SPATA6L: variants seen among roughly 807,000 people sequenced by gnomAD.
SPATA6L encodes spermatogenesis associated 6 like.
Under a neutral mutation model 49.2 loss-of-function variants are expected in SPATA6L, and 68 were observed. The observed-to-expected ratio is 1.38, with a 90% CI of 1.14 to 1.69. SPATA6L has a LOEUF of 1.69. Among genes scored for constraint, SPATA6L ranks in the 40% most tolerant of loss-of-function variants. SPATA6L has a pLI of 0.00. For missense variants in SPATA6L, 668 were observed against 464.3 expected (o/e 1.44, Z -4.03); for synonymous variants, 198 against 165.7 (o/e 1.19, Z -1.50).
At position 4,659,372 on chromosome 9, in the gene SPATA6L, T is replaced by C. The variant is rs143702903; in HGVS notation, c.177+2527A>G. 7.5e-3 allele frequency among the ~76,000 whole-genome samples: 1,138 copies of C among 152,022 alleles called. 17 individuals carry two copies. The highest frequency in any genetic ancestry group is 0.027 in the African/African-American group (1,097 of 41,360). ...TGTGCAAAAATCACAAGCATTCCTA[T>C]ACACCAATAACAGACAAACAGAGAG... On this transcript the variant is annotated intron_variant, in intron 2 of 11. Coordinates refer to ENST00000682582, the MANE Select transcript of SPATA6L (RefSeq NM_001353486.2).
intron 1 of SPATA6L, chr9:4,664,364 T>G (rs1840530413): frequency 6.0e-6 from 1 of 166,964 alleles, no homozygotes; most frequent in Non-Finnish European, 1.5e-5. Flanking sequence ...CACATGGAAT[T>G]CCGTTTTCTG....
intron 2 of SPATA6L, among the ~76,000 whole-genome samples, chr9:4,657,980 C>T (rs2130774641): frequency 6.6e-6 from 1 of 152,228 alleles, no homozygotes; most frequent in Admixed American, 6.5e-5. Flanking sequence ...AGTACACACA[C>T]AGAGTGAATG....
intron 5 of SPATA6L, chr9:4,627,591 C>T (rs138697694): frequency 5.9e-4 from 259 of 437,160 alleles, no homozygotes; most frequent in Admixed American, 8.5e-4. Flanking sequence ...TATTCCTTCT[C>T]CATCTTGTTC....
intron 3 of SPATA6L, among the ~76,000 whole-genome samples, chr9:4,655,710 G>A (rs1440849596): frequency 1.3e-5 from 2 of 151,878 alleles, no homozygotes; most frequent in African/African-American, 2.4e-5. Context: ...CACCACATCC[G>A]GCTAATTTTG....
At chr9:4,589,416 T>A (rs887804675) in intron 13 of SPATA6L, among the ~76,000 whole-genome samples, 1 of 152,222 alleles carries the variant, frequency 6.6e-6, no homozygotes, top group Non-Finnish European at 1.5e-5. Context: ...ATGAAGCTCC[T>A]ACCACGTGGT....
intron 3 of SPATA6L, among the ~76,000 whole-genome samples, chr9:4,642,556 GT>G (rs1834264581): frequency 1.3e-5 from 2 of 152,152 alleles, no homozygotes; most frequent in Admixed American, 1.3e-4. Flanking sequence ...AGACTCCTGG[GT>G]TCACTGCACT....
chr9:4,624,647 G>C (rs189379842), intron 6 of SPATA6L, among the ~76,000 whole-genome samples: 1 of 148,376 alleles, frequency 6.7e-6, no homozygotes. Context: ...AGAATCACTA[G>C]AACACGGAAG....
At chr9:4,637,249 C>G (rs958585182) in intron 3 of SPATA6L, among the ~76,000 whole-genome samples, 1 of 152,130 alleles carries the variant, frequency 6.6e-6, no homozygotes, top group African/African-American at 2.4e-5. Flanking sequence ...CTTCCTCCCT[C>G]TAAGGTTCCC....
intron 3 of SPATA6L, among the ~76,000 whole-genome samples, chr9:4,640,032 G>C (rs2130616153): frequency 6.6e-6 from 1 of 152,330 alleles, no homozygotes; most frequent in South Asian, 2.1e-4. Flanking sequence ...GCATTGCTAT[G>C]AAAGTATAAA....
chr9:4,602,236 G>A (rs1329806937), intron 11 of SPATA6L, among the ~76,000 whole-genome samples: 1 of 151,748 alleles, frequency 6.6e-6, no homozygotes, highest in East Asian at 1.9e-4. Context: ...TATTACCCAT[G>A]TTGAAATTCA....
At position 4,635,260 on chromosome 9, in the gene SPATA6L, G is replaced by A. The variant is rs893387745; in HGVS notation, c.351+15C>T. 1.3e-6 allele frequency: 2 copies of A among 1,507,182 alleles called. No individual in the cohort carries two copies. The highest frequency in any genetic ancestry group is 1.5e-5 in the African/African-American group (1 of 68,172). The allele number at this position is 1,507,182 out of a possible 1,614,324, so 93.4% of individuals were successfully genotyped here. ...TCTCTCCTAATAGAAGCCCAGATGA[G>A]CATGAATCACTTACTGGAAAACCCA... On this transcript the variant is annotated intron_variant, in intron 4 of 11. Transcript: ENST00000682582.
intron 11 of SPATA6L, among the ~76,000 whole-genome samples, chr9:4,603,362 G>A (rs147083602): frequency 9.2e-5 from 14 of 152,230 alleles, no homozygotes; most frequent in African/African-American, 3.1e-4. Flanking sequence ...CCTGGGGGGT[G>A]GAGGTTGCAG....
chr9:4,592,920 C>G (rs560306766), intron 13 of SPATA6L, among the ~76,000 whole-genome samples: 3 of 152,108 alleles, frequency 2.0e-5, no homozygotes, highest in African/African-American at 7.2e-5. Context: ...GCCAATCATA[C>G]CTGAATAAAG....
downstream of SPATA6L, among the ~76,000 whole-genome samples, chr9:4,593,924 C>G (rs1484475046): frequency 2.6e-5 from 4 of 152,174 alleles, no homozygotes; most frequent in South Asian, 2.1e-4. Flanking sequence ...TGAACAAGCT[C>G]ACATCCTTCT....
intron 3 of SPATA6L, among the ~76,000 whole-genome samples, chr9:4,643,504 GA>G (rs1433811468): frequency 6.6e-6 from 1 of 151,660 alleles, no homozygotes; most frequent in East Asian, 1.9e-4. Flanking sequence ...TAAAAATGTG[GA>G]AAAAAAGAAA....
rs761417724 is a variant in SPATA6L at position 4,625,552 on chromosome 9, C to G, written c.444G>C (p.Glu148Asp). The part of the protein sequence containing the change: ...HRNRFLEERH[E>D]SRRPLSTSHE... ...GTGATGTAGATAAAGGCCTCCGTGA[C>G]TCATGTCTTTCTTCCTGAAATAAAC... is the stretch of plus-strand genomic sequence containing the variant. Residue 148 changes from glutamate to aspartate, a missense_variant, in exon 6 of 12, where the codon GAG becomes GAC. Transcript: ENST00000682582. The G allele has an allele frequency of 8.4e-6, 13 of 1,538,802 alleles. No individual in the cohort carries two copies. Among genetic ancestry groups the G allele is most frequent in the Non-Finnish European group, 1.0e-5 (12 of 1,147,116 alleles).
chr9:4,618,165 A>C, intron 8 of SPATA6L, 55 bp from the exon 9 acceptor site: 1 of 1,506,696 alleles, frequency 6.6e-7, no homozygotes, highest in Non-Finnish European at 9.1e-7. Context: ...TGCTTAATTT[A>C]GAGCTGGGGG....
chr9:4,622,225 G>T (rs1432794214), intron 7 of SPATA6L, among the ~76,000 whole-genome samples, 183 bp downstream of exon 7: 1 of 152,348 alleles, frequency 6.6e-6, no homozygotes, highest in East Asian at 1.9e-4. Flanking sequence ...TGCTCAGACA[G>T]AAGCTTCTCA....
intron 4 of SPATA6L, 101 bp from the exon 5 acceptor site, chr9:4,629,269 T>G (rs1327910403): frequency 2.8e-6 from 2 of 716,800 alleles, no homozygotes; most frequent in Non-Finnish European, 4.7e-6. Context: ...TGCTCTTCTG[T>G]GTGGCATAAT....
Sources: gnomAD v4.1 joint callset for allele counts (sites outside exome capture counted in the v4.1 genomes callset) on GRCh38, gnomAD v4.1.1 for gene constraint, MANE v1.5 for transcripts, NCBI Gene and HGNC (gene_info 2026-07-23, HGNC 2026-07-21) for gene names.